The following SRGAP1 variants were observed in gnomAD, a reference collection of about 807,000 sequenced individuals.
SRGAP1 encodes the protein SLIT-ROBO Rho GTPase activating protein 1, also known as SLIT-ROBO Rho GTPase-activating protein 1.
A neutral mutation model predicts 121.9 loss-of-function variants in SRGAP1; 43 were observed. The ratio of observed to expected loss-of-function variants is 0.35; its 90% CI spans 0.28 to 0.46. The LOEUF is 0.46. SRGAP1 is among the 20% of genes least tolerant of loss of function. The pLI, the probability that SRGAP1 is intolerant of heterozygous loss-of-function variation, is 1.00. For missense variants in SRGAP1, 1,102 were observed against 1,350.9 expected, an observed-to-expected ratio of 0.82 and a Z score of 2.89; for synonymous variants, 447 against 485.4, an observed-to-expected ratio of 0.92 and a Z score of 1.04.
chr12:64,089,710 T>G (rs986122986), intron 11 of SRGAP1, among the ~76,000 whole-genome samples: 1 of 152,216 alleles, frequency 6.6e-6, no homozygotes, highest in Non-Finnish European at 1.5e-5. Context: ...GGTAGAAGTT[T>G]CCATATTCTC....
chr12:63,965,030 C>T (rs1251787804), intron 1 of SRGAP1, among the ~76,000 whole-genome samples: 1 of 152,114 alleles, frequency 6.6e-6, no homozygotes, highest in East Asian at 1.9e-4. Context: ...TGTCACTTAA[C>T]GTTTTGTAGC....
At chr12:64,007,769 T>C (rs2034129625) in intron 3 of SRGAP1, among the ~76,000 whole-genome samples, 1 of 152,182 alleles carries the variant, frequency 6.6e-6, no homozygotes, top group Non-Finnish European at 1.5e-5. Flanking sequence ...CAGTCTGAAG[T>C]CAGCAAGGCT....
At chr12:64,045,392 G>A (rs1033456598) in intron 6 of SRGAP1, among the ~76,000 whole-genome samples, 1 of 151,758 alleles carries the variant, frequency 6.6e-6, no homozygotes, top group Admixed American at 6.6e-5. Context: ...TTTTGATTGG[G>A]GTTCATTTTC....
At position 64,154,055 on chromosome 12, in the gene SRGAP1, T is replaced by C. The variant is rs1255772843; in HGVS notation, c.*11383T>C. 6.6e-6 allele frequency: 1 copy of C among 152,192 alleles called. No individual in the cohort carries two copies. The highest frequency in any genetic ancestry group is 1.5e-5 in the Non-Finnish European group (1 of 68,036). The allele number at this position is 152,192 out of a possible 1,614,324, so 9.4% of individuals were successfully genotyped here. A position where few individuals can be genotyped will look rare whatever the true frequency, so the allele number is the denominator to read the frequency against. On this transcript the variant is annotated 3_prime_UTR_variant, in exon 22 of 22. Coordinates refer to ENST00000355086, the MANE Select transcript of SRGAP1 (RefSeq NM_020762.4). ...TGAGCCAATCAATAAAGGACAAACATTGCATGATTTTACTTCTATGAGATA... is the reference window on the plus strand; with the variant it reads ...TGAGCCAATCAATAAAGGACAAACACTGCATGATTTTACTTCTATGAGATA...
intron 1 of SRGAP1, among the ~76,000 whole-genome samples, chr12:63,972,216 G>T (rs1212996158): frequency 6.6e-6 from 1 of 152,190 alleles, no homozygotes; most frequent in African/African-American, 2.4e-5. Context: ...TCTAATAGAG[G>T]TATAAAGAAA....
intron 4 of SRGAP1, among the ~76,000 whole-genome samples, chr12:64,020,449 C>T (rs754892178): frequency 1.3e-5 from 2 of 151,820 alleles, no homozygotes; most frequent in Admixed American, 6.6e-5. Context: ...CCAATCTTGC[C>T]TTTATTTGCT....
At chr12:63,922,340 G>T (rs2031091454) in intron 1 of SRGAP1, among the ~76,000 whole-genome samples, 1 of 152,134 alleles carries the variant, frequency 6.6e-6, no homozygotes. Context: ...GAATTTTGGG[G>T]CAGGAACTCT....
At chr12:63,975,162 A>T (rs111601009) in intron 1 of SRGAP1, among the ~76,000 whole-genome samples, 4 of 152,360 alleles carry the variant, frequency 2.6e-5, no homozygotes, top group African/African-American at 9.6e-5. Flanking sequence ...CATGGTAGTT[A>T]TTAATGACCA....
intron 1 of SRGAP1, among the ~76,000 whole-genome samples, chr12:63,848,193 A>G (rs1488401036): frequency 1.3e-5 from 2 of 151,654 alleles, no homozygotes; most frequent in East Asian, 3.9e-4. Context: ...TTTAGTAGAG[A>G]TGGGGTTTCG....
chr12:64,136,221 A>G (rs1213351110), intron 21 of SRGAP1, among the ~76,000 whole-genome samples: 4 of 152,098 alleles, frequency 2.6e-5, no homozygotes, highest in Non-Finnish European at 1.5e-5. Context: ...TAACCATCAC[A>G]CTAAGAGTGG....
chr12:64,127,077 C>T (rs1038856726), intron 19 of SRGAP1, among the ~76,000 whole-genome samples: 2 of 152,164 alleles, frequency 1.3e-5, no homozygotes, highest in Admixed American at 6.5e-5. Context: ...GGTTTGTAGC[C>T]TAGGAGCAAT....
rs2037098348 is a variant in SRGAP1, at chr12:64,149,773, C to G, written c.*7101C>G. 1 of 152,086 alleles carries G rather than the reference C, an allele frequency of 6.6e-6. No individual in the cohort carries two copies. Among genetic ancestry groups the G allele is most frequent in the East Asian group, 1.9e-4 (1 of 5,190 alleles). The allele number at this position is 152,086 out of a possible 1,614,324, so 9.4% of individuals were successfully genotyped here. On this transcript the variant is annotated 3_prime_UTR_variant, in exon 22 of 22. Transcript: ENST00000355086. ...TAGAATGTCAAAAAGGTCCTAAAAG[C>G]ACAGAATGATGGTAAATTCTATCCA...
At chr12:63,943,919 T>C (rs1032224756) in intron 1 of SRGAP1, among the ~76,000 whole-genome samples, 4 of 152,196 alleles carry the variant, frequency 2.6e-5, no homozygotes, top group Non-Finnish European at 5.9e-5. Context: ...TCCAAGAATG[T>C]ATATTAAATT....
At chr12:63,916,106 C>T (rs1219794948) in intron 1 of SRGAP1, among the ~76,000 whole-genome samples, 4 of 143,426 alleles carry the variant, frequency 2.8e-5, no homozygotes, top group South Asian at 2.2e-4. Context: ...GATCATGGCT[C>T]ATTGCAACCT....
chr12:64,054,082 C>T (rs545294175), intron 6 of SRGAP1, among the ~76,000 whole-genome samples: 7 of 152,224 alleles, frequency 4.6e-5, no homozygotes, highest in African/African-American at 1.4e-4. Context: ...AAATTCTATC[C>T]GTGCTTTCTC....
At chr12:63,957,914 A>C (rs1160822458) in intron 1 of SRGAP1, among the ~76,000 whole-genome samples, 2 of 152,190 alleles carry the variant, frequency 1.3e-5, no homozygotes, top group African/African-American at 2.4e-5. Flanking sequence ...TCTATTCTGC[A>C]TGCCTCTGCG....
intron 3 of SRGAP1, among the ~76,000 whole-genome samples, chr12:64,001,739 A>G (rs527528375): frequency 6.6e-6 from 1 of 152,338 alleles, no homozygotes; most frequent in East Asian, 1.9e-4. Flanking sequence ...CAGCTGGCCC[A>G]CAGAAAACTG....
intron 1 of SRGAP1, among the ~76,000 whole-genome samples, chr12:63,968,489 C>T (rs1303669395): frequency 1.3e-5 from 2 of 152,178 alleles, no homozygotes; most frequent in Admixed American, 6.5e-5. Flanking sequence ...CCCCATGTAA[C>T]CATGGTCATT....
At chr12:64,068,228 G>A (rs1311303393) in intron 8 of SRGAP1, among the ~76,000 whole-genome samples, 2 of 146,170 alleles carry the variant, frequency 1.4e-5, no homozygotes, top group Admixed American at 6.9e-5. Context: ...AACCGAGATC[G>A]TGCCGCTGCA....
Sources: gnomAD v4.1 joint callset for allele counts (sites outside exome capture counted in the v4.1 genomes callset) on GRCh38, gnomAD v4.1.1 for gene constraint, MANE v1.5 for transcripts, NCBI Gene and HGNC (gene_info 2026-07-23, HGNC 2026-07-21) for gene names.